The following MALRD1 variants were observed in gnomAD, a reference collection of about 807,000 sequenced individuals.
MALRD1 encodes the protein MAM and LDL receptor class A domain containing 1.
In MALRD1, 247 loss-of-function variants were observed where a neutral mutation model predicts 242.1. The ratio of observed to expected loss-of-function variants is 1.02; its 90% CI spans 0.92 to 1.13. MALRD1 has a LOEUF of 1.13. Ranked by LOEUF, MALRD1 falls within the 50% of genes most tolerant of loss-of-function variation. The pLI is 0.00. For synonymous variants in MALRD1, 995 were observed against 866.6 expected, an observed-to-expected ratio of 1.15 and a Z score of -2.60; for missense variants, 2,989 against 2,533.1, an observed-to-expected ratio of 1.18 and a Z score of -3.86.
intron 28 of MALRD1, among the ~76,000 whole-genome samples, chr10:19,406,922 T>C (rs1833050858): frequency 6.6e-6 from 1 of 152,100 alleles, no homozygotes; most frequent in African/African-American, 2.4e-5. Flanking sequence ...AATCTGATGA[T>C]TAATATATCA....
At chr10:19,052,926 T>C (rs1184248503) in intron 1 of MALRD1, among the ~76,000 whole-genome samples, 1 of 152,156 alleles carries the variant, frequency 6.6e-6, no homozygotes, top group Non-Finnish European at 1.5e-5. Context: ...CTTTTTGCAC[T>C]ATCACCACCC....
At chr10:19,509,786 T>C (rs1833309780) in intron 31 of MALRD1, among the ~76,000 whole-genome samples, 1 of 152,126 alleles carries the variant, frequency 6.6e-6, no homozygotes, top group South Asian at 2.1e-4. Context: ...ATCAGAAGGA[T>C]AATACCAAGA....
chr10:19,141,050 A>G (rs1310995212), intron 10 of MALRD1, among the ~76,000 whole-genome samples: 1 of 152,206 alleles, frequency 6.6e-6, no homozygotes, highest in East Asian at 1.9e-4. Flanking sequence ...TGCGTACCTT[A>G]GTTACAATTT....
intron 5 of MALRD1, among the ~76,000 whole-genome samples, chr10:19,111,550 G>C (rs1034157693): frequency 1.3e-5 from 2 of 152,180 alleles, no homozygotes; most frequent in African/African-American, 4.8e-5. Flanking sequence ...GTATGACAGA[G>C]GGCAATAAGC....
At chr10:19,329,564 G>A (rs935011467) in intron 23 of MALRD1, among the ~76,000 whole-genome samples, 1 of 151,962 alleles carries the variant, frequency 6.6e-6, no homozygotes, top group African/African-American at 2.4e-5. Context: ...GAATTACATA[G>A]TATTATTATC....
chr10:19,343,277 AAG>A lies in MALRD1; in HGVS notation c.3902-4489_3902-4488del, dbSNP rs138106086. ...TAATTATGAATTCATAGAAACTTCA[AAG>A]AGAGTGCAGAAAAATACTATGTACC... On this transcript the variant is annotated intron_variant, in intron 24 of 39. Transcript: ENST00000454679. 1.7e-4 allele frequency among the ~76,000 whole-genome samples: 26 copies of A among 152,256 alleles called. No individual in the cohort carries two copies. In the East Asian group the frequency reaches 4.1e-3, roughly 24 times the overall value.
intron 18 of MALRD1, among the ~76,000 whole-genome samples, chr10:19,212,705 A>G (rs1014667225): frequency 6.6e-5 from 10 of 151,876 alleles, no homozygotes; most frequent in African/African-American, 2.4e-4. Context: ...TTTTATTCCC[A>G]TCAGCAGTGT....
chr10:19,169,383 T>A (rs1834828281), intron 13 of MALRD1, among the ~76,000 whole-genome samples: 1 of 152,242 alleles, frequency 6.6e-6, no homozygotes, highest in Non-Finnish European at 1.5e-5. Context: ...ACATACATGG[T>A]AATATTTAAT....
rs917506881 is a variant in MALRD1 at position 19,155,239 on chromosome 10, T to C, written c.1656+67T>C. The C allele has an allele frequency of 4.9e-6, 4 of 816,944 alleles. No homozygotes were observed. The African/African-American group carries it at 7.1e-5, about 14-fold the overall frequency. The allele number at this position is 816,944 out of a possible 1,614,324, so 50.6% of individuals were successfully genotyped here. ...GTAAATCGCTGAGCTTGGGTTACTCTGCTAGTAATTGCCCGCCATGTTTTA... is the reference window on the plus strand; with the variant it reads ...GTAAATCGCTGAGCTTGGGTTACTCCGCTAGTAATTGCCCGCCATGTTTTA... On this transcript the variant is annotated intron_variant, in intron 12 of 39. Transcript: ENST00000454679.
chr10:19,326,171 G>A (rs1054853320), intron 22 of MALRD1, among the ~76,000 whole-genome samples: 2 of 152,028 alleles, frequency 1.3e-5, no homozygotes, highest in Non-Finnish European at 2.9e-5. Flanking sequence ...ACTTATTGTT[G>A]TAAATTGACT....
At chr10:19,288,612 T>G (rs1280106101) in intron 21 of MALRD1, among the ~76,000 whole-genome samples, 1 of 152,144 alleles carries the variant, frequency 6.6e-6, no homozygotes, top group Non-Finnish European at 1.5e-5. Flanking sequence ...TGGTATCTTC[T>G]CTTTTTCTGA....
intron 13 of MALRD1, among the ~76,000 whole-genome samples, chr10:19,173,867 G>C (rs762360580): frequency 5.3e-5 from 8 of 152,182 alleles, no homozygotes; most frequent in Non-Finnish European, 1.0e-4. Context: ...ATGTAGGGTA[G>C]TGAATGTATC....
At chr10:19,158,380 A>T (rs911740663) in intron 12 of MALRD1, among the ~76,000 whole-genome samples, 4 of 152,216 alleles carry the variant, frequency 2.6e-5, no homozygotes, top group Admixed American at 6.5e-5. Flanking sequence ...TCAGTAAAAG[A>T]TAATTCATAG....
intron 32 of MALRD1, among the ~76,000 whole-genome samples, chr10:19,541,077 G>A (rs1428268371): frequency 6.6e-6 from 1 of 152,146 alleles, no homozygotes; most frequent in African/African-American, 2.4e-5. Context: ...TATTGACATT[G>A]TAAAAATGCA....
At chr10:19,606,747 C>T (rs758050112) in intron 34 of MALRD1, among the ~76,000 whole-genome samples, 8 of 152,060 alleles carry the variant, frequency 5.3e-5, no homozygotes, top group East Asian at 1.9e-4. Flanking sequence ...GCAACCCCGG[C>T]TTCTTGGCTT....
chr10:19,163,905 A>G (rs541433562), intron 12 of MALRD1, among the ~76,000 whole-genome samples: 1 of 152,322 alleles, frequency 6.6e-6, no homozygotes, highest in South Asian at 2.1e-4. Flanking sequence ...ATAACTTCAC[A>G]CTGGTGATGT....
intron 12 of MALRD1, 82 bp from the exon 13 acceptor site, chr10:19,165,555 C>T: frequency 1.8e-6 from 2 of 1,084,544 alleles, no homozygotes. Context: ...CACCTGAGGT[C>T]AGGAATATTT....
intron 36 of MALRD1, among the ~76,000 whole-genome samples, chr10:19,641,369 A>G (rs1840378341): frequency 6.6e-6 from 1 of 152,210 alleles, no homozygotes; most frequent in South Asian, 2.1e-4. Context: ...TTTACATGCA[A>G]AAGAAAAGAA....
In MALRD1 at chr10:19,491,543, G is replaced by A. The variant is rs1837494010; in HGVS notation, c.5056G>A (p.Glu1686Lys). 1 of 1,550,114 alleles carries A rather than the reference G, an allele frequency of 6.5e-7. No homozygotes were observed. The part of the protein sequence containing the change: ...TVGEISELCP[E>K]ITDFLCRDKK... ...GGGAGAGATCTCTGAGCTTTGTCCG[G>A]AAATCACTGATTTTTTGTGCCGGGA... Residue 1686 changes from glutamate (E) to lysine (K), a missense_variant, in exon 30 of 40, where the codon GAA becomes AAA. Physicochemically the swap from Glu to Lys is moderately conservative, Grantham distance 56. Transcript: ENST00000454679.
Sources: gnomAD v4.1 joint callset for allele counts (sites outside exome capture counted in the v4.1 genomes callset) on GRCh38, gnomAD v4.1.1 for gene constraint, MANE v1.5 for transcripts, NCBI Gene and HGNC (gene_info 2026-07-23, HGNC 2026-07-21) for gene names.